PRKN: variants seen among roughly 807,000 people sequenced by gnomAD.
PRKN encodes parkin RBR E3 ubiquitin protein ligase, also known as E3 ubiquitin-protein ligase parkin.
A neutral mutation model predicts 59.5 loss-of-function variants in PRKN; 56 were observed. That is an observed-to-expected ratio of 0.94 (90% CI 0.76 to 1.18). The LOEUF is 1.18. Among genes scored for constraint, PRKN ranks in the 50% most tolerant of loss-of-function variants. The pLI, the probability that PRKN is intolerant of heterozygous loss-of-function variation, is 0.00. For synonymous variants in PRKN, 250 were observed against 222.1 expected, an observed-to-expected ratio of 1.13 and a Z score of -1.12; for missense variants, 657 against 596.4, an observed-to-expected ratio of 1.10 and a Z score of -1.06.
chr6:161,562,490 A>T lies in PRKN; in HGVS notation c.933+6865T>A, dbSNP rs149740016. 4.6e-5 allele frequency among the ~76,000 whole-genome samples: 7 copies of T among 152,218 alleles called. No homozygotes were observed. The East Asian group carries it at 1.4e-3, about 29-fold the overall frequency. The stretch of plus-strand genomic sequence containing the variant: ...TTCTTGGCTTCTTCTGAGAATCCCC[A>T]TGGGTTTAAAATTTCCTCTACATGC... On this transcript the variant is annotated intron_variant, in intron 8 of 11. Coordinates refer to ENST00000366898, the MANE Select transcript of PRKN (RefSeq NM_004562.3). The surrounding 1 kb of genome is among the most constrained non-coding windows in gnomAD (Gnocchi z 4.3).
chr6:162,244,556 T>C (rs1779121573), intron 3 of PRKN, among the ~76,000 whole-genome samples: 1 of 152,126 alleles, frequency 6.6e-6, no homozygotes, highest in Non-Finnish European at 1.5e-5. Context: ...CAGTTATGTA[T>C]GTCCTGTCAA....
intron 2 of PRKN, among the ~76,000 whole-genome samples, chr6:162,412,931 A>C (rs186837179): frequency 3.0e-4 from 45 of 152,326 alleles, no homozygotes; most frequent in African/African-American, 1.0e-3. Flanking sequence ...AAACTTTCAA[A>C]ACAATAAGAG....
At chr6:162,613,849 T>C (rs1342609258) in intron 1 of PRKN, among the ~76,000 whole-genome samples, 2 of 150,554 alleles carry the variant, frequency 1.3e-5, no homozygotes, top group African/African-American at 4.9e-5. Flanking sequence ...ACTAATACAG[T>C]CATTATCTCA....
chr6:162,284,991 T>C (rs1781115060), intron 2 of PRKN, among the ~76,000 whole-genome samples: 1 of 152,122 alleles, frequency 6.6e-6, no homozygotes, highest in Non-Finnish European at 1.5e-5. Flanking sequence ...GGAATCCTTT[T>C]AAGATGAGAT....
intron 1 of PRKN, among the ~76,000 whole-genome samples, chr6:162,639,415 T>C (rs115044139): frequency 0.023 from 3,532 of 152,314 alleles, 158 homozygotes; most frequent in African/African-American, 0.08. Flanking sequence ...AATTAAAATT[T>C]GAAGAGGTAG....
chr6:161,886,756 A>AATAAAATAAAATAATAAAAT (rs1554241162), intron 6 of PRKN, among the ~76,000 whole-genome samples: 11 of 146,432 alleles, frequency 7.5e-5, no homozygotes, highest in African/African-American at 2.8e-4. Context: ...TAAAATAAAA[A>AATAAAATAAAATAATAAAAT]AAAATAAAAT....
chr6:162,603,816 T>C (rs762713368), intron 1 of PRKN, among the ~76,000 whole-genome samples: 1 of 152,096 alleles, frequency 6.6e-6, no homozygotes, highest in Non-Finnish European at 1.5e-5. Context: ...GGCTGTCACA[T>C]TTCTGAAAGG....
intron 2 of PRKN, among the ~76,000 whole-genome samples, chr6:162,314,703 T>C (rs1782671773): frequency 6.6e-6 from 1 of 152,154 alleles, no homozygotes; most frequent in East Asian, 1.9e-4. Context: ...ATGTTCACTA[T>C]CAACCCAACG....
chr6:161,605,291 C>T (rs1229603014), intron 7 of PRKN, among the ~76,000 whole-genome samples: 1 of 152,054 alleles, frequency 6.6e-6, no homozygotes, highest in African/African-American at 2.4e-5. Flanking sequence ...ATATATACAG[C>T]TATGTACCCG....
intron 4 of PRKN, among the ~76,000 whole-genome samples, chr6:162,081,342 T>A (rs1779048112): frequency 1.3e-5 from 2 of 152,230 alleles, no homozygotes; most frequent in East Asian, 1.9e-4. Context: ...GAAATTTTTT[T>A]AAAATAGTAA....
Position 161,405,733 on chromosome 6 carries a change from C to T in PRKN, c.1084-18856G>A, listed in dbSNP as rs917232407. Among the ~76,000 whole-genome samples, 1 of 152,036 alleles carries T rather than the reference C, an allele frequency of 6.6e-6. No homozygotes were observed. The highest frequency in any genetic ancestry group is 2.1e-4 in the South Asian group (1 of 4,826). On this transcript the variant is annotated intron_variant, in intron 9 of 11. Coordinates refer to ENST00000366898, the MANE Select transcript of PRKN (RefSeq NM_004562.3). This position sits in a 1 kb window ranked among gnomAD's most constrained non-coding sequence, Gnocchi z 5.1. ...CTGAGGGTCCATGAGTGCTCACAGCCAGGCAGGCTCGTGTTCCAAGTCTCG... is the reference window on the plus strand; with the variant it reads ...CTGAGGGTCCATGAGTGCTCACAGCTAGGCAGGCTCGTGTTCCAAGTCTCG...
rs575485992 is a variant in PRKN at position 162,643,353 on chromosome 6, A to G, written c.7+84309T>C. 1.3e-4 allele frequency among the ~76,000 whole-genome samples: 18 copies of G among 137,470 alleles called. No homozygotes were observed. The East Asian group carries it at 3.5e-3, about 26-fold the overall frequency. The allele number at this position is 137,470 out of a possible 152,430, so 90.2% of individuals were successfully genotyped here. ...GTGGAGGTTGCAGTGAGCCAAGATC[A>G]TGCCACTGCATTCCAGCCTGGGTGA... is the stretch of plus-strand genomic sequence containing the variant. On this transcript the variant is annotated intron_variant, in intron 1 of 11. Transcript: ENST00000366898.
rs963770818 is a variant in PRKN at position 161,371,321 on chromosome 6, C to T, written c.1168-11116G>A. Among the ~76,000 whole-genome samples, 1 of 151,786 alleles carries T rather than the reference C, an allele frequency of 6.6e-6. No homozygotes were observed. ...CTGGGGTTACAGGTGCCTGCTACCA[C>T]ACCCGGCTACTTGGGAGGCTGAGGG... is the stretch of plus-strand genomic sequence containing the variant. On this transcript the variant is annotated intron_variant, in intron 10 of 11. Transcript: ENST00000366898. This position sits in a 1 kb window ranked among gnomAD's most constrained non-coding sequence, Gnocchi z 5.5.
At chr6:162,175,410 T>C (rs1783487328) in intron 4 of PRKN, among the ~76,000 whole-genome samples, 1 of 152,204 alleles carries the variant, frequency 6.6e-6, no homozygotes, top group Non-Finnish European at 1.5e-5. Flanking sequence ...AGCAGGTACT[T>C]TATGAAGATG....
intron 2 of PRKN, among the ~76,000 whole-genome samples, chr6:162,389,667 C>T (rs1787061028): frequency 1.3e-5 from 2 of 152,190 alleles, no homozygotes; most frequent in African/African-American, 4.8e-5. Context: ...ATAAACCAGA[C>T]ATTAATATTC....
chr6:162,382,425 T>C (rs2056909), intron 2 of PRKN, among the ~76,000 whole-genome samples: 1 of 152,180 alleles, frequency 6.6e-6, no homozygotes, highest in African/African-American at 2.4e-5. Context: ...ACAAGTTTTG[T>C]GGTTTCCTAG....
intron 4 of PRKN, among the ~76,000 whole-genome samples, chr6:162,184,245 T>C (rs931783218): frequency 6.6e-6 from 1 of 152,182 alleles, no homozygotes; most frequent in African/African-American, 2.4e-5. Context: ...GATTGCATAA[T>C]AGGAGGCTTC....
At chr6:162,672,404 C>A (rs1054250468) in intron 1 of PRKN, among the ~76,000 whole-genome samples, 1 of 151,934 alleles carries the variant, frequency 6.6e-6, no homozygotes, top group Non-Finnish European at 1.5e-5. Context: ...GTAACATTAA[C>A]CACTTTGGCA....
rs1483145722 is a variant in PRKN, at chr6:162,709,543, T to C, written c.7+18119A>G. ...CTTAGTTGCAATGCAAACTCACTCA[T>C]TCATAGCATCCATCCGGACCATAGG... On this transcript the variant is annotated intron_variant, in intron 1 of 11. Coordinates refer to ENST00000366898, the MANE Select transcript of PRKN (RefSeq NM_004562.3). Among the ~76,000 whole-genome samples, 4 of 152,284 alleles carry C rather than the reference T, an allele frequency of 2.6e-5. No homozygotes were observed. In the East Asian group the frequency reaches 7.7e-4, roughly 29 times the overall value.
Sources: allele counts gnomAD v4.1 joint callset (sites outside exome capture counted in the v4.1 genomes callset), GRCh38; gene constraint gnomAD v4.1.1; non-coding constraint Gnocchi (gnomAD v3.1); transcripts MANE v1.5; gene names NCBI Gene and HGNC (gene_info 2026-07-23, HGNC 2026-07-21).